Variants in AOX1 observed in about 807,000 individuals in gnomAD.
AOX1 encodes the protein aldehyde oxidase 1, also known as aldehyde oxidase.
Under a neutral mutation model 169.5 loss-of-function variants are expected in AOX1, and 153 were observed. The ratio of observed to expected loss-of-function variants is 0.90; its 90% CI spans 0.79 to 1.03. AOX1 has a LOEUF of 1.03. Ranked by LOEUF, AOX1 falls within the 50% of genes least tolerant of loss-of-function variation. The pLI is 0.00. For missense variants in AOX1, 1,656 were observed against 1,663.9 expected, an observed-to-expected ratio of 1.00 and a Z score of 0.08; for synonymous variants, 562 against 581.9, an observed-to-expected ratio of 0.97 and a Z score of 0.49.
chr2:200,616,057 G>A lies in AOX1; in HGVS notation c.1698G>A (p.Lys566=). Residue 566 remains lysine (K), a synonymous_variant, in exon 16 of 35, where the codon AAG becomes AAA. Coordinates refer to ENST00000374700, the MANE Select transcript of AOX1 (RefSeq NM_001159.4). ...CCAAACATCACTGCAGTACATTAAA[G>A]TACCAGGTGAGCGGTATTTCTTGTT... ...LHSKHHCSTL[K]YQNIGPKQHP... 1 of 1,609,880 alleles carries A rather than the reference G, an allele frequency of 6.2e-7. No individual in the cohort carries two copies. Among genetic ancestry groups the A allele is most frequent in the South Asian group, 1.1e-5 (1 of 91,000 alleles).
Position 200,669,586 on chromosome 2 carries a change from G to A in AOX1, c.3810G>A (p.Glu1270=), listed in dbSNP as rs2035988666. ...NTLYSSKGLG[E]SGVFLGCSVF... The stretch of plus-strand genomic sequence containing the variant: ...TGCTTCCTTTCAAGGGTCTGGGAGA[G>A]TCGGGGGTGTTCCTGGGGTGTTCCG... Residue 1270 remains glutamate (E), a synonymous_variant, in exon 34 of 35, where the codon GAG becomes GAA. Coordinates refer to ENST00000374700, the MANE Select transcript of AOX1 (RefSeq NM_001159.4). 1 of 1,614,034 alleles carries A rather than the reference G, an allele frequency of 6.2e-7. No homozygotes were observed. Among genetic ancestry groups the A allele is most frequent in the Non-Finnish European group, 8.5e-7 (1 of 1,179,982 alleles).
chr2:200,603,360 A>T lies in AOX1; in HGVS notation c.588+4A>T, dbSNP rs1351771642. On this transcript the variant is annotated splice_donor_region_variant and intron_variant, in intron 7 of 34. Coordinates refer to ENST00000374700, the MANE Select transcript of AOX1 (RefSeq NM_001159.4). ...AGAATTTGAGGAAGGAAGTAAGGTC[A>T]GTGAAATGTAAAGCTTTTATAAGGC... The T allele has an allele frequency of 6.2e-7, 1 of 1,610,574 alleles. No individual in the cohort carries two copies.
intron 2 of AOX1, among the ~76,000 whole-genome samples, chr2:200,594,000 C>A (rs1432724942): frequency 6.6e-6 from 1 of 152,106 alleles, no homozygotes; most frequent in African/African-American, 2.4e-5. Flanking sequence ...GTAGGAGTTT[C>A]TTTCTTTCTC....
intron 19 of AOX1, among the ~76,000 whole-genome samples, chr2:200,626,335 G>A (rs907466944): frequency 3.3e-5 from 5 of 152,264 alleles, no homozygotes; most frequent in South Asian, 2.1e-4. Context: ...ATCCCTCTAA[G>A]GGGTGTTGTC....
chr2:200,614,483 T>A (rs901159002), intron 15 of AOX1, among the ~76,000 whole-genome samples: 1 of 152,192 alleles, frequency 6.6e-6, no homozygotes, highest in African/African-American at 2.4e-5. Context: ...GTAGTAGTCA[T>A]AATAATAGTA....
chr2:200,669,532 T>TGA, intron 33 of AOX1, 43 bp from the exon 34 acceptor site: 1 of 1,598,128 alleles, frequency 6.3e-7, no homozygotes, highest in Non-Finnish European at 8.6e-7. Flanking sequence ...ATATACAGAG[T>TGA]GAGAGAGAGA....
chr2:200,675,195 T>C (rs938820385), downstream of AOX1, among the ~76,000 whole-genome samples: 3 of 152,234 alleles, frequency 2.0e-5, no homozygotes, highest in Non-Finnish European at 2.9e-5. Context: ...CTCTGTATGA[T>C]GTTATGTCCC....
At chr2:200,600,201 T>C (rs1427480500) in intron 5 of AOX1, among the ~76,000 whole-genome samples, 1 of 152,196 alleles carries the variant, frequency 6.6e-6, no homozygotes, top group African/African-American at 2.4e-5. Flanking sequence ...GCTGATGTAT[T>C]TCTGAAGTCT....
chr2:200,630,899 G>T (rs2035111940), intron 20 of AOX1, among the ~76,000 whole-genome samples: 1 of 152,094 alleles, frequency 6.6e-6, no homozygotes, highest in African/African-American at 2.4e-5. Flanking sequence ...TGCATGCTAG[G>T]TTTAATACCT....
intron 2 of AOX1, among the ~76,000 whole-genome samples, chr2:200,594,569 T>C (rs1324564099): frequency 6.6e-6 from 1 of 152,186 alleles, no homozygotes; most frequent in Admixed American, 6.5e-5. Flanking sequence ...ATATCTGAAT[T>C]CCAGCAAATA....
intron 20 of AOX1, among the ~76,000 whole-genome samples, chr2:200,634,474 A>G (rs990920560): frequency 1.1e-4 from 16 of 152,086 alleles, no homozygotes; most frequent in African/African-American, 3.6e-4. Flanking sequence ...GCATTCTCAC[A>G]TTCCTACGCC....
chr2:200,634,693 A>G, intron 20 of AOX1, 98 bp from the exon 21 acceptor site: 1 of 1,423,132 alleles, frequency 7.0e-7, no homozygotes, highest in Non-Finnish European at 9.7e-7. Context: ...CAGCAGAAGT[A>G]CTATTAGTGG....
chr2:200,600,421 G>C (rs920498487), intron 5 of AOX1, among the ~76,000 whole-genome samples: 2 of 152,076 alleles, frequency 1.3e-5, no homozygotes, highest in African/African-American at 4.8e-5. Flanking sequence ...GCAAAGAACT[G>C]TCTATCCACC....
At chr2:200,678,671 T>A (rs867358427), downstream of AOX1, 60 of 152,144 alleles carry the variant, frequency 3.9e-4, no homozygotes, top group African/African-American at 1.3e-3. Context: ...AACTTTACTG[T>A]TTTTTCTAAG....
At chr2:200,588,906 G>A (rs1003285427) in intron 1 of AOX1, among the ~76,000 whole-genome samples, 2 of 151,294 alleles carry the variant, frequency 1.3e-5, no homozygotes, top group African/African-American at 4.9e-5. Context: ...TCCCTGACTC[G>A]GCCTCCCAAA....
At chr2:200,629,135 C>T (rs924351397) in intron 20 of AOX1, among the ~76,000 whole-genome samples, 15 of 152,088 alleles carry the variant, frequency 9.9e-5, no homozygotes, top group African/African-American at 3.6e-4. Flanking sequence ...AAACTTGAAG[C>T]GTGTCAGGGG....
chr2:200,602,366 G>A (rs2034434253), intron 6 of AOX1, 21 bp downstream of exon 6: 5 of 1,607,068 alleles, frequency 3.1e-6, no homozygotes, highest in Non-Finnish European at 2.6e-6. Context: ...AGGACCACAT[G>A]TTTGAGTATG....
At chr2:200,609,675 A>G (rs1038505141) in intron 12 of AOX1, among the ~76,000 whole-genome samples, 3 of 152,062 alleles carry the variant, frequency 2.0e-5, no homozygotes, top group Non-Finnish European at 4.4e-5. Flanking sequence ...GTGTTGGTTA[A>G]TGTCCGGATG....
Position 200,586,133 on chromosome 2 carries a change from T to C in AOX1, c.25T>C (p.Phe9Leu). The C allele has an allele frequency of 1.9e-6, 3 of 1,566,816 alleles. No individual in the cohort carries two copies. Among genetic ancestry groups the C allele is most frequent in the Non-Finnish European group, 2.6e-6 (3 of 1,156,976 alleles). ...AATGGACCGGGCGTCCGAGCTGCTC[T>C]TCTACGTGAACGGCCGCAAGGTGAG... is the stretch of plus-strand genomic sequence containing the variant. The part of the protein sequence containing the change: MDRASELL[F>L]YVNGRKVIEK... Residue 9 changes from phenylalanine to leucine, a missense_variant, in exon 1 of 35, where the codon TTC becomes CTC. Transcript: ENST00000374700.
Sources: gnomAD v4.1 joint callset for allele counts (sites outside exome capture counted in the v4.1 genomes callset) on GRCh38, gnomAD v4.1.1 for gene constraint, MANE v1.5 for transcripts, NCBI Gene and HGNC (gene_info 2026-07-23, HGNC 2026-07-21) for gene names.